CRADD: variants seen among roughly 807,000 people sequenced by gnomAD.
CRADD encodes death domain-containing protein CRADD.
In CRADD, 9 loss-of-function variants were observed where a neutral mutation model predicts 15.5. The ratio of observed to expected loss-of-function variants is 0.58; its 90% CI spans 0.35 to 1.01. The LOEUF (loss-of-function observed/expected upper bound fraction) is 1.01, where lower values mean the gene tolerates loss of function less well. Among genes scored for constraint, CRADD ranks in the 50% least tolerant of loss-of-function variants. The pLI is 0.02. For missense variants in CRADD, 227 were observed against 250.3 expected (o/e 0.91, Z 0.63); for synonymous variants, 118 against 107.6 (o/e 1.10, Z -0.60).
rs1040939152 is a variant in CRADD, at chr12:93,850,127, C to A, written c.456C>A (p.His152Gln). The change falls in exon 3 of 3, where the codon CAC (histidine) becomes CAA (glutamine). Residue 152 changes from histidine (H) to glutamine (Q), a missense_variant. Transcript: ENST00000332896. The surrounding 1 kb of genome is among the most constrained non-coding windows in gnomAD (Gnocchi z 4.0). ...ATATCTACCGCTGTAAGGCCAACCACCCCCACAACGTGCAGTCGCAGGTGG... is the reference window on the plus strand; with the variant it reads ...ATATCTACCGCTGTAAGGCCAACCAACCCCACAACGTGCAGTCGCAGGTGG... ...QTDIYRCKANHPHNVQSQVVE... is the reference protein window; with the variant it reads ...QTDIYRCKANQPHNVQSQVVE... 16 of 1,613,978 alleles carry A rather than the reference C, an allele frequency of 9.9e-6. No individual in the cohort carries two copies. The highest frequency in any genetic ancestry group is 5.0e-5 in the Admixed American group (3 of 60,002).
At chr12:93,792,737 G>A (rs1290899646) in intron 2 of CRADD, among the ~76,000 whole-genome samples, 1 of 152,132 alleles carries the variant, frequency 6.6e-6, no homozygotes, top group Non-Finnish European at 1.5e-5. Flanking sequence ...TACAGACGAG[G>A]AAACTGAGAG....
intron 2 of CRADD, among the ~76,000 whole-genome samples, chr12:93,860,909 T>A (rs1307365391): frequency 6.6e-6 from 1 of 152,224 alleles, no homozygotes; most frequent in Non-Finnish European, 1.5e-5. Flanking sequence ...TTTCTTTGTC[T>A]TGCTTCCATG....
intron 2 of CRADD, among the ~76,000 whole-genome samples, chr12:93,879,641 AG>A (rs1429964591): frequency 2.0e-5 from 3 of 152,216 alleles, no homozygotes; most frequent in African/African-American, 7.2e-5. Flanking sequence ...AGAGCACCTC[AG>A]GGCATTTCAC....
chr12:93,835,586 T>A (rs757490909), intron 2 of CRADD, among the ~76,000 whole-genome samples: 22 of 152,186 alleles, frequency 1.4e-4, no homozygotes, highest in Non-Finnish European at 3.2e-4. Flanking sequence ...TGGATTATAT[T>A]TTTTCTCCTC....
At chr12:93,836,055 T>C (rs1957969271) in intron 2 of CRADD, 1 of 152,242 alleles carries the variant, frequency 6.6e-6, no homozygotes, top group South Asian at 2.1e-4. Flanking sequence ...ATGCCTGTGC[T>C]GTGCAATCTC....
intron 2 of CRADD, among the ~76,000 whole-genome samples, chr12:93,715,710 G>A (rs1314603688): frequency 6.6e-6 from 1 of 152,162 alleles, no homozygotes; most frequent in South Asian, 2.1e-4. Flanking sequence ...TGAATTGGTG[G>A]TATAAACAGA....
Position 93,847,750 on chromosome 12 carries a change from G to GA in CRADD, c.299-2212dup. On this transcript the variant is annotated intron_variant, in intron 2 of 2. Coordinates refer to ENST00000332896, the MANE Select transcript of CRADD (RefSeq NM_003805.5). ...CTGGCAAAATAAAAATTATGTAAGTGAAAAAAAATCAAGTGTGAGGAAGTG... is the reference window on the plus strand; with the variant it reads ...CTGGCAAAATAAAAATTATGTAAGTGAAAAAAAAATCAAGTGTGAGGAAGTG... Among the ~76,000 whole-genome samples the GA allele has an allele frequency of 2.0e-5, 3 of 151,878 alleles. No homozygotes were observed. The South Asian group carries it at 6.2e-4, about 32-fold the overall frequency.
chr12:93,773,145 T>A (rs967413640), intron 2 of CRADD, among the ~76,000 whole-genome samples: 1 of 152,212 alleles, frequency 6.6e-6, no homozygotes, highest in African/African-American at 2.4e-5. Flanking sequence ...CATGACAGTA[T>A]ATATGCAATA....
intron 2 of CRADD, among the ~76,000 whole-genome samples, chr12:93,774,963 TG>T (rs1957125961): frequency 6.6e-6 from 1 of 152,194 alleles, no homozygotes; most frequent in Admixed American, 6.5e-5. Context: ...TCTTGAAGAA[TG>T]GATCACAGTT....
chr12:93,694,900 T>G (rs755711000), intron 2 of CRADD, among the ~76,000 whole-genome samples: 1 of 147,434 alleles, frequency 6.8e-6, no homozygotes, highest in African/African-American at 2.7e-5. Context: ...AAGTGATTTA[T>G]AGATTCAGTG....
chr12:93,802,255 A>C (rs1236071752), intron 2 of CRADD, among the ~76,000 whole-genome samples: 1 of 152,206 alleles, frequency 6.6e-6, no homozygotes, highest in Non-Finnish European at 1.5e-5. Context: ...TAGTTCTTTA[A>C]GGAATCTCTA....
At chr12:93,693,618 G>A (rs1159027803) in intron 2 of CRADD, among the ~76,000 whole-genome samples, 1 of 151,824 alleles carries the variant, frequency 6.6e-6, no homozygotes, top group East Asian at 1.9e-4. Flanking sequence ...AGATCTGAAG[G>A]GGGAGACAGA....
chr12:93,883,258 C>G (rs1958515179), intron 2 of CRADD, among the ~76,000 whole-genome samples: 1 of 152,190 alleles, frequency 6.6e-6, no homozygotes, highest in Admixed American at 6.5e-5. Flanking sequence ...TTTATTTCCA[C>G]ATGTGGACTT....
chr12:93,848,171 A>G (rs1418064634), intron 2 of CRADD, among the ~76,000 whole-genome samples: 5 of 151,338 alleles, frequency 3.3e-5, no homozygotes, highest in South Asian at 4.2e-4. Context: ...TAATGAGCCT[A>G]TGTTTTTATA....
intron 2 of CRADD, among the ~76,000 whole-genome samples, chr12:93,848,483 G>C (rs574691017): frequency 1.3e-5 from 2 of 152,310 alleles, no homozygotes; most frequent in East Asian, 3.9e-4. Context: ...CTGTGATGCT[G>C]ATGGATGGGA....
intron 2 of CRADD, among the ~76,000 whole-genome samples, chr12:93,787,711 C>T (rs1312140331): frequency 6.6e-6 from 1 of 152,134 alleles, no homozygotes; most frequent in African/African-American, 2.4e-5. Context: ...ATTATTCTGC[C>T]ATGATTTAGG....
intron 2 of CRADD, among the ~76,000 whole-genome samples, chr12:93,732,139 G>GAAAA (rs560657069): frequency 1.9e-5 from 2 of 105,714 alleles, no homozygotes; most frequent in Non-Finnish European, 4.2e-5. Context: ...TCCGTCTCAA[G>GAAAA]AAAAAAAAAA....
intron 2 of CRADD, among the ~76,000 whole-genome samples, chr12:93,812,090 A>G (rs1260061838): frequency 6.6e-6 from 1 of 152,214 alleles, no homozygotes; most frequent in East Asian, 1.9e-4. Context: ...AGTAAAAAAG[A>G]TCAGTGATTG....
At chr12:93,747,010 C>T (rs1956763036) in intron 2 of CRADD, among the ~76,000 whole-genome samples, 1 of 151,926 alleles carries the variant, frequency 6.6e-6, no homozygotes, top group Non-Finnish European at 1.5e-5. Flanking sequence ...CAGGTCAGGT[C>T]AGGTTTTGCT....
Sources: allele counts gnomAD v4.1 joint callset (sites outside exome capture counted in the v4.1 genomes callset), GRCh38; gene constraint gnomAD v4.1.1; non-coding constraint Gnocchi (gnomAD v3.1); transcripts MANE v1.5; gene names NCBI Gene and HGNC (gene_info 2026-07-23, HGNC 2026-07-21).